Variants in PLPP4 observed in about 807,000 individuals in gnomAD.
PLPP4 encodes the protein diacylglycerol pyrophosphate like 2.
PLPP4 carries 20 observed loss-of-function variants against 32.2 expected under a neutral mutation model. The observed-to-expected ratio is 0.62, with a 90% CI of 0.44 to 0.90. The LOEUF is 0.90. PLPP4 is among the 40% of genes least tolerant of loss of function. The probability of loss-of-function intolerance (pLI) is 0.00; values close to 1 mark genes in which losing one functional copy is unlikely to be tolerated. For synonymous variants in PLPP4, 127 were observed against 133.0 expected (o/e 0.95, Z 0.31); for missense variants, 257 against 353.1 (o/e 0.73, Z 2.18).
chr10:120,475,686 G>A (rs1192302780), intron 1 of PLPP4, among the ~76,000 whole-genome samples: 2 of 152,218 alleles, frequency 1.3e-5, no homozygotes, highest in African/African-American at 4.8e-5. Flanking sequence ...CCTGGCCTGA[G>A]GTTTCCTGTA....
chr10:120,491,248 G>A (rs936259648), intron 1 of PLPP4, among the ~76,000 whole-genome samples: 6 of 152,108 alleles, frequency 3.9e-5, no homozygotes, highest in South Asian at 4.1e-4. Flanking sequence ...TACTGGCCTC[G>A]TTCTGCCCCA....
chr10:120,542,756 A>G (rs1237376855), intron 5 of PLPP4, among the ~76,000 whole-genome samples: 3 of 152,202 alleles, frequency 2.0e-5, no homozygotes, highest in African/African-American at 4.8e-5. Flanking sequence ...TCATGCAGTA[A>G]CAATCTCTAA....
At chr10:120,577,712 T>A (rs1210002956) in intron 6 of PLPP4, among the ~76,000 whole-genome samples, 1 of 152,196 alleles carries the variant, frequency 6.6e-6, no homozygotes, top group Non-Finnish European at 1.5e-5. Context: ...TGAATGTGCA[T>A]CTCTTGGTAC....
At chr10:120,583,332 TGTTATAGGTAA>T (rs1360075653) in intron 6 of PLPP4, among the ~76,000 whole-genome samples, 14 of 151,958 alleles carry the variant, frequency 9.2e-5, no homozygotes, top group Non-Finnish European at 1.6e-4. Context: ...GTTTTGCCAA[TGTTATAGGTAA>T]GGATTCAGAT....
intron 5 of PLPP4, among the ~76,000 whole-genome samples, chr10:120,541,777 ATTC>A (rs1847351594): frequency 1.8e-5 from 1 of 55,460 alleles, no homozygotes; most frequent in South Asian, 8.1e-4. Flanking sequence ...CATTTAAGTC[ATTC>A]TTTTTTTTTT....
rs114151213 is a variant in PLPP4 at position 120,519,408 on chromosome 10, T to C, written c.320+512T>C. On this transcript the variant is annotated intron_variant, in intron 4 of 6. Coordinates refer to ENST00000398250, the MANE Select transcript of PLPP4 (RefSeq NM_001030059.3). Reference sequence around the variant, plus strand: ...TACAGACATGAGCAGTCAAAACATCTGAATTCAAGACCTAACTAACTCTAG... The same window carrying C: ...TACAGACATGAGCAGTCAAAACATCCGAATTCAAGACCTAACTAACTCTAG... 4.0e-3 allele frequency among the ~76,000 whole-genome samples: 610 copies of C among 151,858 alleles called. 4 individuals are homozygous for C. The highest frequency in any genetic ancestry group is 0.014 in the African/African-American group (579 of 41,392).
chr10:120,583,298 T>A (rs1849603770), intron 6 of PLPP4, among the ~76,000 whole-genome samples: 1 of 151,846 alleles, frequency 6.6e-6, no homozygotes, highest in Admixed American at 6.6e-5. Context: ...TTCCTGTCCT[T>A]TGACCTCATG....
At chr10:120,557,255 A>T (rs1055901935) in intron 5 of PLPP4, among the ~76,000 whole-genome samples, 2 of 152,196 alleles carry the variant, frequency 1.3e-5, no homozygotes, top group Non-Finnish European at 1.5e-5. Flanking sequence ...AGCTTGAAAT[A>T]TGTTTTGGTG....
At chr10:120,490,406 T>TA (rs756732704) in intron 1 of PLPP4, among the ~76,000 whole-genome samples, 2 of 152,192 alleles carry the variant, frequency 1.3e-5, no homozygotes, top group Non-Finnish European at 2.9e-5. Context: ...CTTATCTGCT[T>TA]AAAAAACAGC....
chr10:120,457,478 T>C (rs962939395), intron 1 of PLPP4, 117 bp downstream of exon 1: 14 of 848,336 alleles, frequency 1.7e-5, no homozygotes, highest in Admixed American at 1.3e-4. Flanking sequence ...GGGTTCGAGG[T>C]CCCTTCCCCG....
chr10:120,512,593 A>G (rs978033304), intron 2 of PLPP4, among the ~76,000 whole-genome samples: 3 of 152,120 alleles, frequency 2.0e-5, no homozygotes, highest in Middle Eastern at 3.2e-3. Context: ...CATTTGGTTG[A>G]ATTCTGTTTT....
chr10:120,542,743 T>G (rs1847408758), intron 5 of PLPP4, among the ~76,000 whole-genome samples: 1 of 152,210 alleles, frequency 6.6e-6, no homozygotes, highest in African/African-American at 2.4e-5. Flanking sequence ...GGTAAAAGCT[T>G]TTTCATGCAG....
At chr10:120,494,079 C>T (rs1233740189) in intron 1 of PLPP4, among the ~76,000 whole-genome samples, 1 of 152,120 alleles carries the variant, frequency 6.6e-6, no homozygotes, top group African/African-American at 2.4e-5. Flanking sequence ...TGTTTGGCTA[C>T]AGGACCTTAT....
chr10:120,476,065 AC>A (rs1367950293), intron 1 of PLPP4, among the ~76,000 whole-genome samples: 4 of 152,104 alleles, frequency 2.6e-5, no homozygotes, highest in Admixed American at 6.5e-5. Context: ...TGCCTGCATC[AC>A]CACTGTCCAC....
chr10:120,505,090 A>T (rs1347383918), intron 2 of PLPP4, among the ~76,000 whole-genome samples: 4 of 152,244 alleles, frequency 2.6e-5, no homozygotes, highest in Non-Finnish European at 4.4e-5. Flanking sequence ...GGTCTAATTT[A>T]ATTCCACCCA....
intron 5 of PLPP4, among the ~76,000 whole-genome samples, chr10:120,570,782 G>A (rs964323965): frequency 2.0e-5 from 3 of 152,162 alleles, no homozygotes; most frequent in Non-Finnish European, 1.5e-5. Context: ...CAGGCAGATA[G>A]CCCTGTTCAT....
intron 5 of PLPP4, among the ~76,000 whole-genome samples, chr10:120,568,677 T>A (rs1016679262): frequency 6.6e-6 from 1 of 152,244 alleles, no homozygotes; most frequent in Non-Finnish European, 1.5e-5. Context: ...AATGTCATTA[T>A]GGAAAAAGGC....
intron 1 of PLPP4, among the ~76,000 whole-genome samples, chr10:120,497,459 G>T (rs944929325): frequency 6.6e-6 from 1 of 151,514 alleles, no homozygotes; most frequent in African/African-American, 2.4e-5. Flanking sequence ...ATGTGTGTGG[G>T]GTGTGTGTGT....
chr10:120,582,593 C>G (rs1564857163), intron 6 of PLPP4, among the ~76,000 whole-genome samples: 1 of 152,176 alleles, frequency 6.6e-6, no homozygotes, highest in Non-Finnish European at 1.5e-5. Flanking sequence ...AAATTTATAA[C>G]AGTCTTCAAT....
Sources: gnomAD v4.1 joint callset for allele counts (sites outside exome capture counted in the v4.1 genomes callset) on GRCh38, gnomAD v4.1.1 for gene constraint, MANE v1.5 for transcripts, NCBI Gene and HGNC (gene_info 2026-07-23, HGNC 2026-07-21) for gene names.